Variants in ZFAND3 observed in about 807,000 individuals in gnomAD.
ZFAND3 encodes the protein zinc finger AN1-type containing 3, also known as AN1-type zinc finger protein 3.
ZFAND3 carries 10 observed loss-of-function variants against 29.6 expected under a neutral mutation model. The observed-to-expected ratio is 0.34, with a 90% CI of 0.21 to 0.57. The LOEUF is 0.57. Among genes scored for constraint, ZFAND3 ranks in the 20% least tolerant of loss-of-function variants. ZFAND3 has a pLI of 0.86. For missense variants in ZFAND3, 230 were observed against 304.5 expected, an observed-to-expected ratio of 0.76 and a Z score of 1.82; for synonymous variants, 128 against 112.6, an observed-to-expected ratio of 1.14 and a Z score of -0.87.
At chr6:37,850,799 A>G (rs199924738) in intron 1 of ZFAND3, among the ~76,000 whole-genome samples, 8 of 152,158 alleles carry the variant, frequency 5.3e-5, no homozygotes, top group Admixed American at 1.3e-4. Flanking sequence ...GGGTCTTGCT[A>G]TGTTGCCAAG....
intron 1 of ZFAND3, among the ~76,000 whole-genome samples, chr6:37,886,112 C>G (rs1284529687): frequency 6.6e-6 from 1 of 151,730 alleles, no homozygotes; most frequent in Non-Finnish European, 1.5e-5. Context: ...GAGGCAGGTG[C>G]CTGTAGTCCC....
At chr6:38,008,977 G>C (rs1341580281) in intron 2 of ZFAND3, among the ~76,000 whole-genome samples, 1 of 152,052 alleles carries the variant, frequency 6.6e-6, no homozygotes, top group East Asian at 1.9e-4. Flanking sequence ...TCCCTTCAAA[G>C]TTTGCTTGTG....
At chr6:38,036,842 G>A (rs1047639673) in intron 2 of ZFAND3, among the ~76,000 whole-genome samples, 4 of 152,202 alleles carry the variant, frequency 2.6e-5, no homozygotes, top group Admixed American at 2.6e-4. Flanking sequence ...TCAAACCCCT[G>A]GTCTGAAGCA....
rs1766245390 is a variant in ZFAND3 at position 38,152,331 on chromosome 6, T to G, written c.626T>G (p.Val209Gly). Residue 209 changes from valine (V) to glycine (G), a missense_variant, in exon 6 of 6, where the codon GTG (valine) becomes GGG (glycine). Around this residue, in one of 2 missense-constraint regions of ZFAND3, gnomAD observed 50 missense variants for 102.0 expected, o/e 0.49. Transcript: ENST00000287218. ...CGGGAGGAAGCCATCATGAAAATGG[T>G]GAAGCTGGACCGGAAAGTGGGGCGC... Reference protein sequence around the residue: ...RGREEAIMKMVKLDRKVGRSC... With the variant: ...RGREEAIMKMGKLDRKVGRSC... 1 of 1,610,714 alleles carries G rather than the reference T, an allele frequency of 6.2e-7. No homozygotes were observed. The highest frequency in any genetic ancestry group is 1.3e-5 in the African/African-American group (1 of 74,760).
intron 5 of ZFAND3, among the ~76,000 whole-genome samples, chr6:38,140,249 ATAGT>A (rs1765922203): frequency 6.6e-6 from 1 of 152,240 alleles, no homozygotes; most frequent in Non-Finnish European, 1.5e-5. Flanking sequence ...GTTAGCATAC[ATAGT>A]TAGAATTTTA....
At chr6:38,043,704 A>G (rs1763841702) in intron 2 of ZFAND3, among the ~76,000 whole-genome samples, 1 of 151,910 alleles carries the variant, frequency 6.6e-6, no homozygotes, top group Non-Finnish European at 1.5e-5. Flanking sequence ...CTTGATCTCC[A>G]GGGTCCAAGG....
At chr6:38,043,049 A>G (rs1247437008) in intron 2 of ZFAND3, among the ~76,000 whole-genome samples, 3 of 152,208 alleles carry the variant, frequency 2.0e-5, no homozygotes, top group East Asian at 1.9e-4. Context: ...ATTAAGAAAT[A>G]TATTTTTTAT....
chr6:37,872,880 A>G (rs1324574620), intron 1 of ZFAND3, among the ~76,000 whole-genome samples: 1 of 152,238 alleles, frequency 6.6e-6, no homozygotes, highest in African/African-American at 2.4e-5. Context: ...CATTTCTGCA[A>G]CCTTAGTACA....
chr6:37,951,293 G>C (rs1483249612), intron 2 of ZFAND3, among the ~76,000 whole-genome samples: 1 of 151,956 alleles, frequency 6.6e-6, no homozygotes, highest in Non-Finnish European at 1.5e-5. Flanking sequence ...GTATTTTCAA[G>C]GTATAAAATC....
chr6:37,881,366 G>A (rs1175506244), intron 1 of ZFAND3, among the ~76,000 whole-genome samples: 1 of 152,176 alleles, frequency 6.6e-6, no homozygotes, highest in African/African-American at 2.4e-5. Context: ...GATTACAGGC[G>A]TGAGCCACTG....
intron 5 of ZFAND3, among the ~76,000 whole-genome samples, chr6:38,124,201 A>G (rs533874143): frequency 6.2e-4 from 94 of 152,324 alleles, no homozygotes; most frequent in Admixed American, 2.2e-3. Context: ...TGTATTTGCA[A>G]TCCCTTAGCT....
chr6:38,011,850 C>G (rs907445536), intron 2 of ZFAND3, among the ~76,000 whole-genome samples: 3 of 152,134 alleles, frequency 2.0e-5, no homozygotes, highest in Non-Finnish European at 4.4e-5. Flanking sequence ...GAAGGTAAAA[C>G]TTCATGTAAA....
In ZFAND3 at chr6:37,841,699, G is replaced by A. The variant is rs146120014; in HGVS notation, c.71+21683G>A. On this transcript the variant is annotated intron_variant, in intron 1 of 5. Transcript: ENST00000287218. ...GGGGTTTCACTGTGTTAGCCAGGAT[G>A]GTCTCGATCTCCTCACCTTGTGATC... 4.5e-3 allele frequency among the ~76,000 whole-genome samples: 692 copies of A among 152,256 alleles called. 7 individuals are homozygous for A. The highest frequency in any genetic ancestry group is 0.016 in the African/African-American group (671 of 41,552).
chr6:38,003,639 C>A, intron 2 of ZFAND3: 1 of 305,092 alleles, frequency 3.3e-6, no homozygotes, highest in Non-Finnish European at 6.4e-6. Flanking sequence ...GCTGGGACTA[C>A]AGTCATGCAC....
chr6:37,901,007 A>G (rs947899302), intron 1 of ZFAND3, among the ~76,000 whole-genome samples: 15 of 148,660 alleles, frequency 1.0e-4, no homozygotes, highest in Non-Finnish European at 1.2e-4. Flanking sequence ...TTTCACTAGT[A>G]CTTTTTTTGT....
At chr6:38,101,463 C>T (rs1765090795) in intron 4 of ZFAND3, among the ~76,000 whole-genome samples, 1 of 152,214 alleles carries the variant, frequency 6.6e-6, no homozygotes, top group Admixed American at 6.5e-5. Context: ...AGCATCACAT[C>T]ACATGAGGTG....
At chr6:38,047,207 C>G (rs1007174502) in intron 2 of ZFAND3, among the ~76,000 whole-genome samples, 10 of 151,558 alleles carry the variant, frequency 6.6e-5, no homozygotes, top group Non-Finnish European at 1.0e-4. Flanking sequence ...CCCAGCTACT[C>G]AGGAGGCTGA....
intron 5 of ZFAND3, chr6:38,143,048 G>T (rs1013903226): frequency 1.3e-5 from 2 of 152,068 alleles, no homozygotes; most frequent in Non-Finnish European, 2.9e-5. Flanking sequence ...CTACCCGCTG[G>T]GTTGCAAAAA....
intron 2 of ZFAND3, among the ~76,000 whole-genome samples, chr6:37,940,494 G>A (rs1761792450): frequency 6.6e-6 from 1 of 152,092 alleles, no homozygotes; most frequent in African/African-American, 2.4e-5. Context: ...GTGCTTAGCT[G>A]GTTCTTGCAG....
Sources: allele counts gnomAD v4.1 joint callset (sites outside exome capture counted in the v4.1 genomes callset), GRCh38; gene constraint gnomAD v4.1.1; regional missense constraint gnomAD v4.1.1; transcripts MANE v1.5; gene names NCBI Gene and HGNC (gene_info 2026-07-23, HGNC 2026-07-21).